LRRIQ1: variants seen among roughly 807,000 people sequenced by gnomAD.
LRRIQ1 encodes leucine rich repeats and IQ motif containing 1.
A neutral mutation model predicts 211.9 loss-of-function variants in LRRIQ1; 210 were observed. The ratio of observed to expected loss-of-function variants is 0.99; its 90% CI spans 0.89 to 1.11. The LOEUF is 1.11. Ranked by LOEUF, LRRIQ1 falls within the 50% of genes most tolerant of loss-of-function variation. The pLI is 0.00. For missense variants in LRRIQ1, 2,136 were observed against 1,939.5 expected, an observed-to-expected ratio of 1.10 and a Z score of -1.90; for synonymous variants, 699 against 650.1, an observed-to-expected ratio of 1.08 and a Z score of -1.14.
At chr12:85,270,166 A>G in the LRRIQ1 span, among the ~76,000 whole-genome samples, 1 of 152,142 alleles carries the variant, frequency 6.6e-6, no homozygotes. Context: ...TCATAGCAGC[A>G]TCTTAGAGAC....
rs1052055129 is a variant in LRRIQ1 at position 85,220,648 on chromosome 12, TTTA to T, written c.4823-8858_4823-8856del. Among the ~76,000 whole-genome samples, 7 of 150,630 alleles carry T rather than the reference TTTA, an allele frequency of 4.6e-5. No homozygotes were observed. In the South Asian group the frequency reaches 6.2e-4, roughly 13 times the overall value. ...TTTTATTTATTTATTTTTATTTTAT[TTTA>T]TTATTATTATACTTTAAGTTTTAGG... On this transcript the variant is annotated intron_variant, in intron 24 of 26. Transcript: ENST00000393217.
chr12:85,061,198 A>G (rs1226431366), intron 8 of LRRIQ1, among the ~76,000 whole-genome samples: 4 of 151,744 alleles, frequency 2.6e-5, no homozygotes, highest in Admixed American at 6.6e-5. Flanking sequence ...CTGTTTTTCT[A>G]GTTGACCATA....
At chr12:85,152,258 CA>C (rs1462895880) in intron 19 of LRRIQ1, 21 bp from the exon 20 acceptor site, 1 of 1,575,452 alleles carries the variant, frequency 6.3e-7, no homozygotes, top group Admixed American at 1.8e-5. Flanking sequence ...AAATTACATA[CA>C]TTTTAATATT....
chr12:85,044,771 T>C lies in LRRIQ1; in HGVS notation c.298T>C (p.Ser100Pro), dbSNP rs1879329708. ...NNHMHLRTGL[S>P]TEYEESSEQL... ...TCATATGCATTTAAGAACAGGACTA[T>C]CAACTGAATATGAAGAAAGTTCAGA... is the stretch of plus-strand genomic sequence containing the variant. Residue 100 changes from serine (S) to proline (P), a missense_variant, in exon 4 of 27, where the codon TCA (serine) becomes CCA (proline). Ser to Pro is a moderately conservative substitution (Grantham distance 74). Transcript: ENST00000393217. 2 of 1,562,764 alleles carry C rather than the reference T, an allele frequency of 1.3e-6. No individual in the cohort carries two copies. The highest frequency in any genetic ancestry group is 1.3e-5 in the African/African-American group (1 of 74,080).
downstream of LRRIQ1, among the ~76,000 whole-genome samples, chr12:85,248,041 C>T (rs1156658700): frequency 4.0e-5 from 6 of 151,470 alleles, no homozygotes; most frequent in African/African-American, 1.5e-4. Flanking sequence ...AAGAGATTTC[C>T]TCATTTATAT....
intron 1 of LRRIQ1, among the ~76,000 whole-genome samples, chr12:85,251,075 G>A (rs1411196361): frequency 2.1e-5 from 3 of 142,430 alleles, no homozygotes; most frequent in Non-Finnish European, 4.5e-5. Flanking sequence ...AATTATAAGT[G>A]TATTTATGAA....
chr12:85,258,051 A>T (rs970674713), intron 1 of LRRIQ1, among the ~76,000 whole-genome samples: 11 of 152,062 alleles, frequency 7.2e-5, no homozygotes, highest in Non-Finnish European at 1.2e-4. Flanking sequence ...TACATGAGTT[A>T]AAAAAACTAT....
intron 26 of LRRIQ1, among the ~76,000 whole-genome samples, chr12:85,238,197 G>T (rs1004328295): frequency 6.6e-6 from 1 of 151,274 alleles, no homozygotes; most frequent in African/African-American, 2.4e-5. Flanking sequence ...AACAAAGCAA[G>T]ATAAACTCTC....
intron 4 of LRRIQ1, 122 bp from the exon 5 acceptor site, chr12:85,045,898 G>A: frequency 2.1e-6 from 1 of 469,254 alleles, no homozygotes; most frequent in South Asian, 5.4e-5. Flanking sequence ...GTATTTGAGA[G>A]ATATCTGGAG....
intron 24 of LRRIQ1, among the ~76,000 whole-genome samples, chr12:85,178,328 T>G (rs1161172277): frequency 6.6e-6 from 1 of 152,092 alleles, no homozygotes; most frequent in Non-Finnish European, 1.5e-5. Flanking sequence ...ATTGAAAATA[T>G]TATTCCACCT....
chr12:85,202,094 G>T (rs1237129116), intron 24 of LRRIQ1, among the ~76,000 whole-genome samples: 1 of 152,024 alleles, frequency 6.6e-6, no homozygotes, highest in East Asian at 1.9e-4. Flanking sequence ...AATTTTGAGT[G>T]ATTTTCTTAG....
chr12:85,262,675 T>C (rs1896331814), intron 1 of LRRIQ1, among the ~76,000 whole-genome samples: 1 of 152,060 alleles, frequency 6.6e-6, no homozygotes, highest in Non-Finnish European at 1.5e-5. Flanking sequence ...AGGAAACCAT[T>C]ATATCTATTT....
rs1474674512 is a variant in LRRIQ1 at position 85,166,043 on chromosome 12, CA to C, written c.4822+5330del. ...ATTTTGAATCACATGTTTTAATTTT[CA>C]GATATATGAGAACCTCCCCACAGAG... On this transcript the variant is annotated intron_variant, in intron 24 of 26. Transcript: ENST00000393217. Among the ~76,000 whole-genome samples the C allele has an allele frequency of 2.6e-5, 4 of 152,234 alleles. No individual in the cohort carries two copies. In the East Asian group the frequency reaches 7.7e-4, roughly 29 times the overall value.
At chr12:85,271,865 A>G in the LRRIQ1 span, among the ~76,000 whole-genome samples, 1 of 152,190 alleles carries the variant, frequency 6.6e-6, no homozygotes, top group African/African-American at 2.4e-5. Context: ...TTGTTGTGGT[A>G]TTCTAAAGAT....
At chr12:85,038,395 C>A in intron 2 of LRRIQ1, 87 bp downstream of exon 2, 1 of 943,578 alleles carries the variant, frequency 1.1e-6, no homozygotes, top group Non-Finnish European at 1.4e-6. Context: ...ATGTACTTCT[C>A]ATTTTTAGCA....
chr12:85,094,935 A>G (rs1885737832), intron 11 of LRRIQ1, among the ~76,000 whole-genome samples: 2 of 152,098 alleles, frequency 1.3e-5, no homozygotes, highest in Admixed American at 1.3e-4. Context: ...TTACTGGTGT[A>G]TAGAAATGCT....
intron 11 of LRRIQ1, among the ~76,000 whole-genome samples, chr12:85,085,892 A>G (rs1324279601): frequency 3.3e-5 from 5 of 152,182 alleles, no homozygotes; most frequent in Admixed American, 2.0e-4. Context: ...TAATGCTACA[A>G]TGAACATACA....
intron 6 of LRRIQ1, chr12:85,048,609 T>G (rs1325213981): frequency 6.6e-6 from 1 of 151,882 alleles, no homozygotes; most frequent in Non-Finnish European, 1.5e-5. Flanking sequence ...CATTAAATTG[T>G]AATATTGTAG....
chr12:85,096,349 T>A (rs952055125), intron 11 of LRRIQ1, among the ~76,000 whole-genome samples: 9 of 152,166 alleles, frequency 5.9e-5, no homozygotes, highest in African/African-American at 2.2e-4. Context: ...CCAGAGATTT[T>A]GGTATATTGT....
Sources: gnomAD v4.1 joint callset for allele counts (sites outside exome capture counted in the v4.1 genomes callset) on GRCh38, gnomAD v4.1.1 for gene constraint, MANE v1.5 for transcripts, NCBI Gene and HGNC (gene_info 2026-07-23, HGNC 2026-07-21) for gene names.